The following OIP5 variants were observed in gnomAD, a reference collection of about 807,000 sequenced individuals.
OIP5 encodes the protein Opa interacting protein 5, also known as protein Mis18-beta.
Under a neutral mutation model 20.3 loss-of-function variants are expected in OIP5, and 24 were observed. The observed-to-expected ratio is 1.18, with a 90% CI of 0.86 to 1.66. The LOEUF (loss-of-function observed/expected upper bound fraction) is 1.66. OIP5 is among the 40% of genes most tolerant of loss of function. The probability of loss-of-function intolerance (pLI) is 0.00; values close to 1 mark genes in which losing one functional copy is unlikely to be tolerated. For missense variants in OIP5, 339 were observed against 289.5 expected, an observed-to-expected ratio of 1.17 and a Z score of -1.24; for synonymous variants, 143 against 121.3, an observed-to-expected ratio of 1.18 and a Z score of -1.17.
intron 2 of OIP5, among the ~76,000 whole-genome samples, chr15:41,326,247 A>G (rs945416158): frequency 1.3e-5 from 2 of 152,190 alleles, no homozygotes; most frequent in African/African-American, 4.8e-5. Flanking sequence ...AAACAAGGAA[A>G]AGAAAATTGC....
intron 3 of OIP5, 129 bp from the exon 4 acceptor site, chr15:41,313,483 C>CA (rs2047771951): frequency 1.7e-6 from 1 of 588,214 alleles, no homozygotes; most frequent in East Asian, 2.9e-5. Flanking sequence ...TTTCAAGACT[C>CA]ATGATGTTAC....
chr15:41,321,945 AAAT>A (rs1186730342), intron 2 of OIP5, among the ~76,000 whole-genome samples: 6 of 151,686 alleles, frequency 4.0e-5, no homozygotes, highest in African/African-American at 1.5e-4. Context: ...ATAAATAAAT[AAAT>A]AAAAAAGAAA....
rs574032205 is a variant in OIP5 at position 41,329,845 on chromosome 15, C to T, written c.389+2070G>A. Among the ~76,000 whole-genome samples the T allele has an allele frequency of 5.3e-5, 8 of 151,886 alleles. No individual in the cohort carries two copies. In the East Asian group the frequency reaches 9.7e-4, roughly 18 times the overall value. On this transcript the variant is annotated intron_variant, in intron 2 of 4. Coordinates refer to ENST00000220514, the MANE Select transcript of OIP5 (RefSeq NM_007280.2). ...TCTCCCAAGTAGCTGGGATTACAGG[C>T]GCCCGCCACCACGCCCAGCTAATTT...
intron 2 of OIP5, among the ~76,000 whole-genome samples, chr15:41,330,520 C>CA (rs2047892530): frequency 6.6e-6 from 1 of 151,738 alleles, no homozygotes; most frequent in African/African-American, 2.4e-5. Flanking sequence ...TCTCCTGCCT[C>CA]AGTCTCCTGA....
intron 2 of OIP5, among the ~76,000 whole-genome samples, chr15:41,330,878 A>G (rs1387091635): frequency 6.6e-6 from 1 of 152,200 alleles, no homozygotes; most frequent in Non-Finnish European, 1.5e-5. Context: ...CCTCTCCAAG[A>G]GCACATTCAG....
intron 3 of OIP5, among the ~76,000 whole-genome samples, chr15:41,313,871 G>T (rs990074256): frequency 6.6e-6 from 1 of 152,078 alleles, no homozygotes; most frequent in Non-Finnish European, 1.5e-5. Flanking sequence ...AAGGATGACT[G>T]CATTTTCTTG....
chr15:41,313,053 A>C (rs955751258), intron 4 of OIP5, among the ~76,000 whole-genome samples: 4 of 152,248 alleles, frequency 2.6e-5, no homozygotes, highest in Non-Finnish European at 5.9e-5. Flanking sequence ...AGGAGAATGC[A>C]GGAGTGCAGC....
intron 2 of OIP5, among the ~76,000 whole-genome samples, chr15:41,328,180 G>T (rs1425807615): frequency 6.6e-6 from 1 of 152,178 alleles, no homozygotes; most frequent in African/African-American, 2.4e-5. Flanking sequence ...CATTGTGGAG[G>T]ATAGATATTT....
intron 3 of OIP5, among the ~76,000 whole-genome samples, chr15:41,314,146 G>GACT (rs371322312): frequency 3.6e-4 from 55 of 152,028 alleles, no homozygotes; most frequent in African/African-American, 1.1e-3. Flanking sequence ...CTGTTGCCCA[G>GACT]ACTAGAGTGC....
intron 4 of OIP5, among the ~76,000 whole-genome samples, chr15:41,311,460 A>G (rs1038551436): frequency 3.3e-5 from 5 of 152,146 alleles, no homozygotes; most frequent in African/African-American, 1.2e-4. Context: ...ATATACCTTG[A>G]AGAAAATTTC....
intron 2 of OIP5, among the ~76,000 whole-genome samples, chr15:41,322,125 C>T (rs2140463551): frequency 1.3e-5 from 2 of 152,112 alleles, no homozygotes; most frequent in Middle Eastern, 3.4e-3. Context: ...GTATATAAGA[C>T]ATATTTAAAT....
chr15:41,322,201 G>C (rs1055700927), intron 2 of OIP5, among the ~76,000 whole-genome samples: 32 of 152,228 alleles, frequency 2.1e-4, no homozygotes, highest in African/African-American at 7.2e-4. Context: ...CACTATGAGA[G>C]GCCAAAGTGG....
At chr15:41,314,623 G>A (rs1042051789) in intron 3 of OIP5, among the ~76,000 whole-genome samples, 7 of 150,728 alleles carry the variant, frequency 4.6e-5, no homozygotes, top group South Asian at 4.2e-4. Flanking sequence ...GCAACATAGC[G>A]AAACTCCATC....
chr15:41,331,757 A>G (rs2047918084), intron 2 of OIP5, among the ~76,000 whole-genome samples, 158 bp downstream of exon 2: 3 of 152,126 alleles, frequency 2.0e-5, no homozygotes. Context: ...CCAATACACA[A>G]ATACAACTTT....
rs191218357 is a variant in OIP5 at position 41,329,354 on chromosome 15, C to T, written c.389+2561G>A. On this transcript the variant is annotated intron_variant, in intron 2 of 4. Coordinates refer to ENST00000220514, the MANE Select transcript of OIP5 (RefSeq NM_007280.2). Reference sequence around the variant, plus strand: ...TTTTTCAGACGGAGTCTCGATCTGTCGTCCAGGCTGGAGTGTAGTGGTGCG... The same window carrying T: ...TTTTTCAGACGGAGTCTCGATCTGTTGTCCAGGCTGGAGTGTAGTGGTGCG... Among the ~76,000 whole-genome samples the T allele has an allele frequency of 4.0e-3, 568 of 140,846 alleles. 13 individuals are homozygous for T. The highest frequency in any genetic ancestry group is 2.7e-3 in the Non-Finnish European group (176 of 66,160). 92.4% of individuals were successfully genotyped at this position (140,846 alleles called of 152,430 possible).
chr15:41,329,379 G>A (rs140516399), intron 2 of OIP5, among the ~76,000 whole-genome samples: 1,757 of 148,654 alleles, frequency 0.012, 41 homozygotes, highest in African/African-American at 0.042. Flanking sequence ...GTAGTGGTGC[G>A]ATCTTGGCTC....
chr15:41,318,555 TG>T, intron 3 of OIP5, among the ~76,000 whole-genome samples: 1 of 152,176 alleles, frequency 6.6e-6, no homozygotes, highest in Non-Finnish European at 1.5e-5. Context: ...CTCAGCCTCC[TG>T]GGTAGCTAGA....
intron 2 of OIP5, among the ~76,000 whole-genome samples, chr15:41,328,873 C>T (rs962003625): frequency 6.6e-6 from 1 of 151,896 alleles, no homozygotes; most frequent in African/African-American, 2.4e-5. Context: ...GCATGGCCAA[C>T]ATGGTGAAAC....
intron 4 of OIP5, among the ~76,000 whole-genome samples, chr15:41,310,986 A>C (rs2047750330): frequency 6.6e-6 from 1 of 152,178 alleles, no homozygotes; most frequent in Non-Finnish European, 1.5e-5. Flanking sequence ...GGCTTCTGAT[A>C]ATCTCCATTC....
Sources: allele counts gnomAD v4.1 joint callset (sites outside exome capture counted in the v4.1 genomes callset), GRCh38; gene constraint gnomAD v4.1.1; transcripts MANE v1.5; gene names NCBI Gene and HGNC (gene_info 2026-07-23, HGNC 2026-07-21).